Variants in PLCE1 observed in about 807,000 individuals in gnomAD.
The protein encoded by PLCE1 is 1-phosphatidylinositol 4,5-bisphosphate phosphodiesterase epsilon-1.
Under a neutral mutation model 242.8 loss-of-function variants are expected in PLCE1, and 119 were observed. The ratio of observed to expected loss-of-function variants is 0.49; its 90% CI spans 0.42 to 0.57. The LOEUF is 0.57. Among genes scored for constraint, PLCE1 ranks in the 20% least tolerant of loss-of-function variants. The pLI is 0.00. For synonymous variants in PLCE1, 945 were observed against 1,017.4 expected (o/e 0.93, Z 1.35); for missense variants, 2,441 against 2,788.8 (o/e 0.88, Z 2.81).
chr10:94,300,867 C>G (rs2053009500), intron 24 of PLCE1, among the ~76,000 whole-genome samples: 5 of 152,044 alleles, frequency 3.3e-5, no homozygotes, highest in Admixed American at 3.3e-4. Flanking sequence ...TCGAGACCAG[C>G]CTGTCCAGCA....
At chr10:94,239,722 G>A (rs1383819551) in intron 7 of PLCE1, among the ~76,000 whole-genome samples, 1 of 152,112 alleles carries the variant, frequency 6.6e-6, no homozygotes, top group Non-Finnish European at 1.5e-5. Flanking sequence ...GCGCCTGGAC[G>A]ATAATCCAAC....
chr10:94,209,261 G>T (rs188295253), intron 4 of PLCE1, among the ~76,000 whole-genome samples: 6 of 152,278 alleles, frequency 3.9e-5, no homozygotes, highest in Admixed American at 3.3e-4. Flanking sequence ...TTGACAGAAG[G>T]CTGGAGTCTA....
chr10:94,238,127 A>G (rs1354188868), intron 7 of PLCE1, among the ~76,000 whole-genome samples: 1 of 152,222 alleles, frequency 6.6e-6, no homozygotes, highest in East Asian at 1.9e-4. Context: ...TAAAAAGTTC[A>G]AGATTTATTT....
chr10:94,324,320 T>TATTC (rs2053931157), intron 30 of PLCE1, 29 bp from the exon 31 acceptor site: 1 of 1,542,746 alleles, frequency 6.5e-7, no homozygotes, highest in African/African-American at 1.4e-5. Context: ...TCTGTGTCTT[T>TATTC]ATTCAGTTGA....
intron 3 of PLCE1, among the ~76,000 whole-genome samples, chr10:94,162,961 T>G (rs1447703561): frequency 2.0e-5 from 3 of 152,068 alleles, no homozygotes; most frequent in Non-Finnish European, 4.4e-5. Context: ...TGTAGTTGAG[T>G]GGTTTTGAGT....
intron 7 of PLCE1, among the ~76,000 whole-genome samples, chr10:94,242,965 A>G: frequency 6.6e-6 from 1 of 152,220 alleles, no homozygotes; most frequent in East Asian, 1.9e-4. Flanking sequence ...AAGAATTCCC[A>G]ATAACTTAGG....
intron 2 of PLCE1, among the ~76,000 whole-genome samples, chr10:94,120,131 C>T (rs1447068366): frequency 2.6e-5 from 4 of 152,154 alleles, no homozygotes; most frequent in Non-Finnish European, 4.4e-5. Flanking sequence ...TACTCAACTC[C>T]TCCATCCTGT....
At chr10:94,248,628 G>T (rs2050771994) in intron 8 of PLCE1, among the ~76,000 whole-genome samples, 2 of 150,816 alleles carry the variant, frequency 1.3e-5, no homozygotes, top group African/African-American at 4.9e-5. Flanking sequence ...CGCCTCCTGT[G>T]TACTCCACAG....
chr10:94,148,968 C>T (rs1160117704), intron 3 of PLCE1, among the ~76,000 whole-genome samples: 1 of 152,172 alleles, frequency 6.6e-6, no homozygotes, highest in African/African-American at 2.4e-5. Flanking sequence ...AACTTTCTCA[C>T]CTCTCACACA....
intron 4 of PLCE1, among the ~76,000 whole-genome samples, chr10:94,199,366 C>G (rs2136734702): frequency 6.6e-6 from 1 of 152,336 alleles, no homozygotes; most frequent in South Asian, 2.1e-4. Context: ...TGTCAAAAAT[C>G]TCAGTTTCTT....
intron 1 of PLCE1, among the ~76,000 whole-genome samples, chr10:94,011,873 C>T (rs570532101): frequency 6.6e-6 from 1 of 152,046 alleles, no homozygotes. Context: ...CTCTGGTTTT[C>T]CGCCTTTCAT....
intron 2 of PLCE1, among the ~76,000 whole-genome samples, chr10:94,115,731 G>T (rs2046105176): frequency 6.6e-6 from 1 of 152,102 alleles, no homozygotes; most frequent in African/African-American, 2.4e-5. Flanking sequence ...CACTCTGATG[G>T]TAGTTTCTTT....
At chr10:94,102,760 G>C (rs1407901871) in intron 2 of PLCE1, among the ~76,000 whole-genome samples, 7 of 152,126 alleles carry the variant, frequency 4.6e-5, no homozygotes, top group Admixed American at 1.3e-4. Flanking sequence ...GTGCCACGAC[G>C]GGTCTTATGA....
chr10:94,082,617 C>T (rs2044685930), intron 2 of PLCE1, among the ~76,000 whole-genome samples: 1 of 152,122 alleles, frequency 6.6e-6, no homozygotes, highest in Non-Finnish European at 1.5e-5. Flanking sequence ...CAGCACAGTG[C>T]CTGAGACATA....
At chr10:94,153,103 C>G (rs959186319) in intron 3 of PLCE1, among the ~76,000 whole-genome samples, 2 of 152,114 alleles carry the variant, frequency 1.3e-5, no homozygotes, top group African/African-American at 4.8e-5. Context: ...TGGTTACAGT[C>G]ACATTGCAGT....
At position 94,298,781 on chromosome 10, in the gene PLCE1, G is replaced by T; in HGVS notation, c.5458+112G>T. 9.4e-7 allele frequency: 1 copy of T among 1,060,474 alleles called. No individual in the cohort carries two copies. Among genetic ancestry groups the T allele is most frequent in the Non-Finnish European group, 1.5e-6 (1 of 685,486 alleles). The allele number at this position is 1,060,474 out of a possible 1,614,324, so 65.7% of individuals were successfully genotyped here. A position where few individuals can be genotyped will look rare whatever the true frequency, so the allele number is the denominator to read the frequency against. Reference sequence around the variant, plus strand: ...TTCCAGACTGGGGCACACCATATGTGAGAGTAAAAATATGATGATGGAAAA... The same window carrying T: ...TTCCAGACTGGGGCACACCATATGTTAGAGTAAAAATATGATGATGGAAAA... On this transcript the variant is annotated intron_variant, in intron 24 of 32. Coordinates refer to ENST00000371380, the MANE Select transcript of PLCE1 (RefSeq NM_016341.4). This position sits in a 1 kb window ranked among gnomAD's most constrained non-coding sequence, Gnocchi z 5.2.
intron 11 of PLCE1, among the ~76,000 whole-genome samples, chr10:94,256,314 A>G (rs2051093858): frequency 7.5e-6 from 1 of 133,960 alleles, no homozygotes; most frequent in Non-Finnish European, 1.6e-5. Flanking sequence ...ACAGAGTGAG[A>G]GCTTGTCTCA....
chr10:94,159,627 T>C (rs1330118139), intron 3 of PLCE1, among the ~76,000 whole-genome samples: 1 of 152,212 alleles, frequency 6.6e-6, no homozygotes, highest in Non-Finnish European at 1.5e-5. Flanking sequence ...TGTAACTTTT[T>C]TTAAATATGC....
intron 29 of PLCE1, among the ~76,000 whole-genome samples, chr10:94,319,887 T>TTTTTTTTTTTTTTTG: frequency 7.0e-6 from 1 of 142,982 alleles, no homozygotes; most frequent in East Asian, 2.0e-4. Context: ...TTTTTTTTTT[T>TTTTTTTTTTTTTTTG]GAGATGGAGT....
Sources: gnomAD v4.1 joint callset for allele counts (sites outside exome capture counted in the v4.1 genomes callset) on GRCh38, gnomAD v4.1.1 for gene constraint, Gnocchi (gnomAD v3.1) non-coding constraint, MANE v1.5 for transcripts, NCBI Gene and HGNC (gene_info 2026-07-23, HGNC 2026-07-21) for gene names.